PTPRE: variants seen among roughly 807,000 people sequenced by gnomAD.
PTPRE encodes the protein receptor-type tyrosine-protein phosphatase epsilon.
In PTPRE, 51 loss-of-function variants were observed where a neutral mutation model predicts 102.0. The ratio of observed to expected loss-of-function variants is 0.50; its 90% CI spans 0.40 to 0.63. The LOEUF is 0.63. PTPRE is among the 30% of genes least tolerant of loss of function. PTPRE has a pLI of 0.00. For synonymous variants in PTPRE, 345 were observed against 348.2 expected (o/e 0.99, Z 0.10); for missense variants, 752 against 915.1 (o/e 0.82, Z 2.30).
chr10:127,943,519 T>C (rs1302911747), intron 1 of PTPRE, among the ~76,000 whole-genome samples: 2 of 152,138 alleles, frequency 1.3e-5, no homozygotes, highest in South Asian at 2.1e-4. Context: ...TGAGTCTAGG[T>C]TGAAGGAAGG....
In PTPRE at chr10:128,066,201, A is replaced by G; in HGVS notation, c.843+7A>G. ...GAAGTTCTGCATACAGCCAGTAAGCATCTCTAGTTGCTGCCCTTCCAGAAA... is the reference window on the plus strand; with the variant it reads ...GAAGTTCTGCATACAGCCAGTAAGCGTCTCTAGTTGCTGCCCTTCCAGAAA... On this transcript the variant is annotated splice_region_variant and intron_variant, in intron 11 of 20. Transcript: ENST00000254667. The G allele has an allele frequency of 6.2e-7, 1 of 1,612,652 alleles. No homozygotes were observed. Among genetic ancestry groups the G allele is most frequent in the South Asian group, 1.1e-5 (1 of 91,048 alleles).
chr10:127,958,311 G>T (rs755984760), intron 1 of PTPRE, among the ~76,000 whole-genome samples: 1 of 152,102 alleles, frequency 6.6e-6, no homozygotes, highest in Non-Finnish European at 1.5e-5. Context: ...TACCATTAAC[G>T]TATGACATTA....
At chr10:127,952,441 T>C (rs1849103771) in intron 1 of PTPRE, among the ~76,000 whole-genome samples, 1 of 150,788 alleles carries the variant, frequency 6.6e-6, no homozygotes, top group Non-Finnish European at 1.5e-5. Flanking sequence ...CTTATCAGCC[T>C]GCCCAGCTAC....
At chr10:128,042,756 T>C (rs1265201213) in intron 3 of PTPRE, among the ~76,000 whole-genome samples, 1 of 152,192 alleles carries the variant, frequency 6.6e-6, no homozygotes, top group East Asian at 1.9e-4. Context: ...ACAAAATATA[T>C]TCAGTACTCA....
At chr10:128,062,981 G>A (rs1590192630) in intron 9 of PTPRE, 102 bp from the exon 10 acceptor site, 1 of 1,541,332 alleles carries the variant, frequency 6.5e-7, no homozygotes, top group South Asian at 1.2e-5. Flanking sequence ...TGAGAAGGGA[G>A]TGAACAGCTG....
intron 20 of PTPRE, among the ~76,000 whole-genome samples, chr10:128,080,621 G>T (rs1052028355): frequency 2.6e-5 from 4 of 152,104 alleles, no homozygotes; most frequent in Non-Finnish European, 5.9e-5. Flanking sequence ...TTCTATCTTC[G>T]AGAGCATCTG....
chr10:127,941,097 G>T (rs1848213159), intron 1 of PTPRE, among the ~76,000 whole-genome samples: 1 of 152,202 alleles, frequency 6.6e-6, no homozygotes, highest in Non-Finnish European at 1.5e-5. Context: ...CCACATGCAG[G>T]CCGCCTGGGA....
chr10:127,980,367 A>G (rs1375082002), intron 1 of PTPRE, among the ~76,000 whole-genome samples: 2 of 139,738 alleles, frequency 1.4e-5, no homozygotes, highest in Non-Finnish European at 3.1e-5. Flanking sequence ...TAGTAACTTT[A>G]TACCTTGTGA....
intron 2 of PTPRE, among the ~76,000 whole-genome samples, chr10:128,019,377 G>A (rs894750287): frequency 3.3e-5 from 5 of 152,234 alleles, no homozygotes; most frequent in African/African-American, 4.8e-5. Flanking sequence ...AGATCTCCAC[G>A]CGATGCTGTT....
chr10:127,992,994 C>G (rs1204781401), intron 2 of PTPRE, among the ~76,000 whole-genome samples: 1 of 152,068 alleles, frequency 6.6e-6, no homozygotes, highest in Non-Finnish European at 1.5e-5. Context: ...TTTAATGTGT[C>G]TGCTGTGTAT....
rs563674246 is a variant in PTPRE, at chr10:127,994,238, C to T, written c.-8+11942C>T. 3.3e-5 allele frequency among the ~76,000 whole-genome samples: 5 copies of T among 152,256 alleles called. No individual in the cohort carries two copies. The South Asian group carries it at 6.2e-4, about 19-fold the overall frequency. ...GCAGGGTCCTGCCCATGGTGACTGG[C>T]GAAGGACTTTCTTTTCCGGGGGAGC... On this transcript the variant is annotated intron_variant, in intron 2 of 20. Coordinates refer to ENST00000254667, the MANE Select transcript of PTPRE (RefSeq NM_006504.6).
intron 1 of PTPRE, among the ~76,000 whole-genome samples, chr10:127,947,114 G>A (rs1309466720): frequency 6.6e-6 from 1 of 151,924 alleles, no homozygotes; most frequent in Non-Finnish European, 1.5e-5. Context: ...TACGCCATGG[G>A]ACAGCCACGA....
intron 1 of PTPRE, among the ~76,000 whole-genome samples, chr10:127,961,550 G>A (rs1422100161): frequency 6.6e-6 from 1 of 152,168 alleles, no homozygotes; most frequent in East Asian, 1.9e-4. Flanking sequence ...ATGAACTGAT[G>A]CTGGCAGGCA....
intron 2 of PTPRE, among the ~76,000 whole-genome samples, chr10:128,007,045 C>A (rs1381667547): frequency 6.6e-6 from 1 of 152,114 alleles, no homozygotes; most frequent in Non-Finnish European, 1.5e-5. Context: ...TCCTATTTTC[C>A]CATTACCTGA....
At chr10:128,080,282 C>A (rs575869398) in intron 20 of PTPRE, among the ~76,000 whole-genome samples, 4 of 152,202 alleles carry the variant, frequency 2.6e-5, no homozygotes, top group Admixed American at 6.5e-5. Context: ...GCTAACCCAG[C>A]GAGTACAATT....
intron 2 of PTPRE, among the ~76,000 whole-genome samples, chr10:128,010,668 T>C (rs1025041686): frequency 2.6e-5 from 4 of 152,002 alleles, no homozygotes; most frequent in Non-Finnish European, 5.9e-5. Context: ...CTTGGCTTAC[T>C]ACAAGCTCCG....
chr10:127,915,638 A>C (rs983307355), intron 1 of PTPRE, among the ~76,000 whole-genome samples: 3 of 152,220 alleles, frequency 2.0e-5, no homozygotes, highest in Admixed American at 2.0e-4. Flanking sequence ...GAAATTTAAT[A>C]ATTTTGTACT....
intron 1 of PTPRE, among the ~76,000 whole-genome samples, chr10:127,916,322 A>T (rs555168836): frequency 1.3e-5 from 2 of 152,128 alleles, no homozygotes; most frequent in African/African-American, 4.8e-5. Context: ...TGATGGTTTT[A>T]TAAGGGGCTC....
At position 128,078,766 on chromosome 10, in the gene PTPRE, C is replaced by T. The variant is rs1851447841; in HGVS notation, c.1893-794C>T. ...AACTTGAAATGAGTTCCATAGGGCA[C>T]TGGAGATGCAGAGGTGAACAAGATC... On this transcript the variant is annotated intron_variant, in intron 19 of 20. Coordinates refer to ENST00000254667, the MANE Select transcript of PTPRE (RefSeq NM_006504.6). 2.6e-5 allele frequency among the ~76,000 whole-genome samples: 4 copies of T among 152,220 alleles called. No homozygotes were observed. In the South Asian group the frequency reaches 6.2e-4, roughly 24 times the overall value.
Sources: gnomAD v4.1 joint callset for allele counts (sites outside exome capture counted in the v4.1 genomes callset) on GRCh38, gnomAD v4.1.1 for gene constraint, MANE v1.5 for transcripts, NCBI Gene and HGNC (gene_info 2026-07-23, HGNC 2026-07-21) for gene names.